The following VEGFA variants were observed in gnomAD, a reference collection of about 807,000 sequenced individuals.
VEGFA encodes vascular endothelial growth factor A, long form.
In VEGFA, 20 loss-of-function variants were observed where a neutral mutation model predicts 49.7. That is an observed-to-expected ratio of 0.40 (90% confidence interval 0.28 to 0.58). The LOEUF (loss-of-function observed/expected upper bound fraction) is 0.58, where lower values mean the gene tolerates loss of function less well. Ranked by LOEUF, VEGFA falls within the 20% of genes least tolerant of loss-of-function variation. The pLI is 0.40. For synonymous variants in VEGFA, 219 were observed against 223.4 expected (o/e 0.98, Z 0.18); for missense variants, 505 against 553.5 (o/e 0.91, Z 0.88).
Position 43,778,444 on chromosome 6 carries a change from C to G in VEGFA, c.856-16C>G, listed in dbSNP as rs1373946981. On this transcript the variant is annotated splice_polypyrimidine_tract_variant and intron_variant, in intron 3 of 7. Transcript: ENST00000672860. Reference sequence around the variant, plus strand: ...CTGGGTCACTAACCTCTGTGATCTGCTTCCTTCCTTTCCAGATTATGCGGA... The same window carrying G: ...CTGGGTCACTAACCTCTGTGATCTGGTTCCTTCCTTTCCAGATTATGCGGA... 1 of 1,613,568 alleles carries G rather than the reference C, an allele frequency of 6.2e-7. No individual in the cohort carries two copies. Among genetic ancestry groups the G allele is most frequent in the East Asian group, 2.2e-5 (1 of 44,876 alleles).
rs946026389 is a variant in VEGFA, at chr6:43,785,663, G to A, written c.*1101G>A. 1.0e-5 allele frequency: 2 copies of A among 199,790 alleles called. No homozygotes were observed. Among genetic ancestry groups the A allele is most frequent in the African/African-American group, 2.3e-5 (1 of 43,376 alleles). 12.4% of individuals were successfully genotyped at this position (199,790 alleles called of 1,614,324 possible). On this transcript the variant is annotated 3_prime_UTR_variant, in exon 8 of 8. Coordinates refer to ENST00000672860, the MANE Select transcript of VEGFA (RefSeq NM_003376.6). ...GTCCCCCCAGGAGACCTGGTTGTGT[G>A]TGTGTGAGTGGTTGACCTTCCTCCA...
intron 6 of VEGFA, chr6:43,781,529 A>C: frequency 3.2e-6 from 1 of 308,812 alleles, no homozygotes; most frequent in Non-Finnish European, 6.3e-6. Context: ...ACCCTACTTT[A>C]GCCCACCTTG....
chr6:43,771,864 A>AC (rs1009766375), intron 1 of VEGFA: 27 of 190,734 alleles, frequency 1.4e-4, no homozygotes, highest in African/African-American at 4.7e-4. Flanking sequence ...TGCTGCGGGG[A>AC]CCCCCCCTCC....
At position 43,785,431 on chromosome 6, in the gene VEGFA, G is replaced by A. The variant is rs530836187; in HGVS notation, c.*869G>A. 90 of 219,978 alleles carry A rather than the reference G, an allele frequency of 4.1e-4. No individual in the cohort carries two copies. Among genetic ancestry groups the A allele is most frequent in the African/African-American group, 2.0e-3 (87 of 44,558 alleles). The allele number at this position is 219,978 out of a possible 1,614,324, so 13.6% of individuals were successfully genotyped here. ...ACTGCCTGGAAGATTCAGGAGCCTGGGCGGCCTTCGCTTACTCTCACCTGC... is the reference window on the plus strand; with the variant it reads ...ACTGCCTGGAAGATTCAGGAGCCTGAGCGGCCTTCGCTTACTCTCACCTGC... On this transcript the variant is annotated 3_prime_UTR_variant, in exon 8 of 8. Transcript: ENST00000672860.
At chr6:43,784,519 C>CTTT in intron 7 of VEGFA, 22 bp from the exon 8 acceptor site, 7 of 1,614,052 alleles carry the variant, frequency 4.3e-6, no homozygotes, top group Non-Finnish European at 5.9e-6. Flanking sequence ...TAACCCCAGC[C>CTTT]TTTGTTTTCC....
At chr6:43,779,206 G>T in intron 5 of VEGFA, 1 of 558,852 alleles carries the variant, frequency 1.8e-6, no homozygotes, top group Non-Finnish European at 3.2e-6. Flanking sequence ...GTGTGTCAGG[G>T]GGCACTGTGG....
chr6:43,779,770 G>C, intron 5 of VEGFA: 1 of 457,112 alleles, frequency 2.2e-6, no homozygotes, highest in Admixed American at 2.3e-5. Flanking sequence ...GGACAGACTT[G>C]CCCTCTCTGG....
At chr6:43,782,512 G>T in intron 7 of VEGFA, 1 of 300,438 alleles carries the variant, frequency 3.3e-6, no homozygotes, top group Non-Finnish European at 6.5e-6. Flanking sequence ...GCTCTCGCTG[G>T]GGCCTTGCCT....
At chr6:43,774,204 C>A in intron 1 of VEGFA, 137 bp from the exon 2 acceptor site, 2 of 878,982 alleles carry the variant, frequency 2.3e-6, no homozygotes, top group Non-Finnish European at 1.9e-6. Flanking sequence ...CGGTTGTGTC[C>A]TGTTCGACTC....
chr6:43,778,289 G>A, intron 3 of VEGFA, 171 bp from the exon 4 acceptor site: 1 of 691,990 alleles, frequency 1.4e-6, no homozygotes, highest in Non-Finnish European at 2.7e-6. Flanking sequence ...GGGGGAGTTG[G>A]GGTGGGCCTG....
At position 43,777,887 on chromosome 6, in the gene VEGFA, T is replaced by G; in HGVS notation, c.855+222T>G. Reference sequence around the variant, plus strand: ...CCAACCATCTCCTTCTCCCTGATGGTTGCCCATGGGCTCAGGAGGGGACAG... The same window carrying G: ...CCAACCATCTCCTTCTCCCTGATGGGTGCCCATGGGCTCAGGAGGGGACAG... On this transcript the variant is annotated intron_variant, in intron 3 of 7. Transcript: ENST00000672860. The surrounding 1 kb of genome is among the most constrained non-coding windows in gnomAD (Gnocchi z 4.3). 1.7e-6 allele frequency: 1 copy of G among 595,554 alleles called. No individual in the cohort carries two copies. Among genetic ancestry groups the G allele is most frequent in the Non-Finnish European group, 3.0e-6 (1 of 335,814 alleles). 36.9% of individuals were successfully genotyped at this position (595,554 alleles called of 1,614,324 possible). A position where few individuals can be genotyped will look rare whatever the true frequency, so the allele number is the denominator to read the frequency against.
intron 2 of VEGFA, 89 bp downstream of exon 2, chr6:43,774,481 A>T (rs1764648742): frequency 7.0e-7 from 1 of 1,421,384 alleles, no homozygotes. Flanking sequence ...AACTGTGGGG[A>T]GGAAGGGGAA....
rs972219770 is a variant in VEGFA at position 43,786,045 on chromosome 6, C to T, written c.*1483C>T. On this transcript the variant is annotated 3_prime_UTR_variant, in exon 8 of 8. Coordinates refer to ENST00000672860, the MANE Select transcript of VEGFA (RefSeq NM_003376.6). ...AATTTTGCTAACACTCAGCTCTGCC[C>T]TCCCCGATCCCCTGGCTCCCCAGCA... 1.6e-5 allele frequency: 3 copies of T among 182,050 alleles called. No individual in the cohort carries two copies. Among genetic ancestry groups the T allele is most frequent in the East Asian group, 9.2e-5 (1 of 10,844 alleles). The allele number at this position is 182,050 out of a possible 1,614,324, so 11.3% of individuals were successfully genotyped here.
intron 7 of VEGFA, 173 bp downstream of exon 7, chr6:43,782,260 C>A: frequency 3.0e-6 from 3 of 1,012,278 alleles, no homozygotes; most frequent in South Asian, 1.4e-5. Context: ...GCTTTTAAGG[C>A]CCCTGTGGTG....
At chr6:43,779,182 G>T in intron 5 of VEGFA, 1 of 584,214 alleles carries the variant, frequency 1.7e-6, no homozygotes, top group Non-Finnish European at 3.0e-6. Context: ...TCCTGACCAG[G>T]ACTTGCTGTT....
At position 43,770,682 on chromosome 6, in the gene VEGFA, G is replaced by A. The variant is rs370995111; in HGVS notation, c.-25G>A. 1.6e-5 allele frequency: 25 copies of A among 1,539,830 alleles called. No homozygotes were observed. The highest frequency in any genetic ancestry group is 3.4e-4 in the Middle Eastern group (2 of 5,922). On this transcript the variant is annotated 5_prime_UTR_variant, in exon 1 of 8. Transcript: ENST00000672860. ...GAGCGCGGCGTGAGCCCTCCCCCTT[G>A]GGATCCCGCAGCTGACCAGTCGCGC... is the stretch of plus-strand genomic sequence containing the variant.
chr6:43,785,348 A>G lies in VEGFA; in HGVS notation c.*786A>G, dbSNP rs1238634262. 1 of 214,298 alleles carries G rather than the reference A, an allele frequency of 4.7e-6. No individual in the cohort carries two copies. The highest frequency in any genetic ancestry group is 9.4e-6 in the Non-Finnish European group (1 of 105,828). The allele number at this position is 214,298 out of a possible 1,614,324, so 13.3% of individuals were successfully genotyped here. On this transcript the variant is annotated 3_prime_UTR_variant, in exon 8 of 8. Transcript: ENST00000672860. The stretch of plus-strand genomic sequence containing the variant: ...CCAGGAGTTTGGGGAGCTTCAGGAC[A>G]TTGCTGTGCTTTGGGGATTCCCTCC...
Position 43,780,788 on chromosome 6 carries a change from A to T in VEGFA, c.1019A>T (p.Tyr340Phe). The T allele has an allele frequency of 1.2e-6, 2 of 1,614,026 alleles. No homozygotes were observed. Among genetic ancestry groups the T allele is most frequent in the Non-Finnish European group, 1.7e-6 (2 of 1,180,020 alleles). The change falls in exon 6 of 8, where the codon TAT becomes TTT. Residue 340 changes from tyrosine to phenylalanine, a missense_variant. Physicochemically the swap from Tyr to Phe is conservative, Grantham distance 22 (BLOSUM62 3). This residue lies in a region of VEGFA where 165 missense variants were observed against 231.7 expected (regional missense o/e 0.71). Transcript: ENST00000672860. The stretch of plus-strand genomic sequence containing the variant: ...AAACGAAAGCGCAAGAAATCCCGGT[A>T]TAAGTCCTGGAGCGTGTACGTTGGT...
rs3025042 is a variant in VEGFA at position 43,773,714 on chromosome 6, G to T, written c.607-627G>T. On this transcript the variant is annotated intron_variant, in intron 1 of 7. Coordinates refer to ENST00000672860, the MANE Select transcript of VEGFA (RefSeq NM_003376.6). This position sits in a 1 kb window ranked among gnomAD's most constrained non-coding sequence, Gnocchi z 5.6. ...AGATTTGTGTAGAGAGGAAAATGTG[G>T]TTCTCCCCCAGGGTCTCCTCCTGGG... is the stretch of plus-strand genomic sequence containing the variant. The T allele has an allele frequency of 8.8e-3, 1,380 of 157,354 alleles. 8 individuals carry two copies. The highest frequency in any genetic ancestry group is 0.033 in the South Asian group (181 of 5,502). 9.7% of individuals were successfully genotyped at this position (157,354 alleles called of 1,614,324 possible).
Sources: gnomAD v4.1 joint callset for allele counts on GRCh38, gnomAD v4.1.1 for gene constraint, gnomAD v4.1.1 regional missense constraint, Gnocchi (gnomAD v3.1) non-coding constraint, MANE v1.5 for transcripts, NCBI Gene and HGNC (gene_info 2026-07-23, HGNC 2026-07-21) for gene names.